Variants in ATP13A5 observed in about 807,000 individuals in gnomAD.
The protein encoded by ATP13A5 is ATPase 13A5.
Under a neutral mutation model 150.2 loss-of-function variants are expected in ATP13A5, and 149 were observed. That is an observed-to-expected ratio of 0.99 (90% confidence interval 0.87 to 1.14). The LOEUF (loss-of-function observed/expected upper bound fraction) is 1.14. ATP13A5 is among the 50% of genes most tolerant of loss of function. ATP13A5 has a pLI of 0.00. For synonymous variants in ATP13A5, 497 were observed against 522.2 expected (o/e 0.95, Z 0.66); for missense variants, 1,383 against 1,449.3 (o/e 0.95, Z 0.74).
intron 12 of ATP13A5, among the ~76,000 whole-genome samples, chr3:193,327,902 G>A (rs1719525321): frequency 6.6e-6 from 1 of 152,176 alleles, no homozygotes; most frequent in African/African-American, 2.4e-5. Flanking sequence ...TACCAAGCAT[G>A]GCAGAATACC....
chr3:193,288,177 TTGAAA>T (rs1717795565), intron 26 of ATP13A5, among the ~76,000 whole-genome samples: 1 of 152,166 alleles, frequency 6.6e-6, no homozygotes, highest in Admixed American at 6.6e-5. Context: ...GTAAGCATTG[TTGAAA>T]TGAAAACAAA....
chr3:193,356,266 A>C (rs1440680178), intron 5 of ATP13A5, among the ~76,000 whole-genome samples: 1 of 115,200 alleles, frequency 8.7e-6, no homozygotes, highest in Non-Finnish European at 1.8e-5. Flanking sequence ...TTCACATTTT[A>C]ATAAGTTTGC....
chr3:193,326,415 C>T (rs73888257), intron 13 of ATP13A5, among the ~76,000 whole-genome samples: 16,967 of 152,144 alleles, frequency 0.11, 1,509 homozygotes, highest in African/African-American at 0.25. Flanking sequence ...GCCGCACGTC[C>T]CTCAAAACCT....
rs767914581 is a variant in ATP13A5, at chr3:193,335,119, G to A, written c.944-20C>T. On this transcript the variant is annotated intron_variant, in intron 9 of 29. Transcript: ENST00000342358. ...TTTCTCCTAAAGAGGATTGTATTTT[G>A]TTGAATCTATGTAAGCTCAGGTAGT... 19 of 1,611,824 alleles carry A rather than the reference G, an allele frequency of 1.2e-5. No individual in the cohort carries two copies. Among genetic ancestry groups the A allele is most frequent in the Admixed American group, 1.7e-5 (1 of 59,944 alleles).
intron 25 of ATP13A5, among the ~76,000 whole-genome samples, chr3:193,296,732 T>C (rs896982645): frequency 2.6e-5 from 4 of 152,164 alleles, no homozygotes; most frequent in Admixed American, 2.0e-4. Context: ...AGAATATTAA[T>C]GGTAGTTTAA....
At chr3:193,300,695 T>A (rs1451994337) in intron 24 of ATP13A5, among the ~76,000 whole-genome samples, 1 of 152,182 alleles carries the variant, frequency 6.6e-6, no homozygotes. Flanking sequence ...TAATTTTGAG[T>A]CTTTTTTAGT....
chr3:193,324,218 C>T (rs1040094170), intron 14 of ATP13A5, among the ~76,000 whole-genome samples: 3 of 152,168 alleles, frequency 2.0e-5, no homozygotes, highest in Admixed American at 1.3e-4. Context: ...CGTTTTCATT[C>T]ACACTCAGCT....
Position 193,315,026 on chromosome 3 carries a change from T to C in ATP13A5, c.2104A>G (p.Lys702Glu). The C allele has an allele frequency of 6.2e-7, 1 of 1,613,928 alleles. No individual in the cohort carries two copies. The highest frequency in any genetic ancestry group is 8.5e-7 in the Non-Finnish European group (1 of 1,179,864). Residue 702 changes from lysine (K) to glutamate (E), a missense_variant, in exon 18 of 30, where the codon AAA becomes GAA. Around this residue, in one of 3 missense-constraint regions of ATP13A5, gnomAD observed 568 missense variants for 621.5 expected, o/e 0.91. Coordinates refer to ENST00000342358, the MANE Select transcript of ATP13A5 (RefSeq NM_198505.4). ...IMENRLKKET[K>E]LVLKELSEAR... ...TCACTCAGTTCCTTCAAGACCAGTT[T>C]GGTTTCTTTTTTCAAGCGATTCTCC...
chr3:193,348,033 TA>T (rs2108888332), intron 7 of ATP13A5, among the ~76,000 whole-genome samples: 1 of 152,322 alleles, frequency 6.6e-6, no homozygotes, highest in African/African-American at 2.4e-5. Context: ...ATGTATTTAT[TA>T]GAACCAAATT....
intron 12 of ATP13A5, among the ~76,000 whole-genome samples, chr3:193,329,800 C>G (rs1055063296): frequency 6.6e-6 from 1 of 152,162 alleles, no homozygotes. Flanking sequence ...CCATCCTTGT[C>G]CTTTTTGTCT....
intron 5 of ATP13A5, among the ~76,000 whole-genome samples, chr3:193,354,573 G>A (rs2108893766): frequency 6.6e-6 from 1 of 151,666 alleles, no homozygotes; most frequent in South Asian, 2.1e-4. Context: ...CTTGATGCTA[G>A]AAGTCATATC....
At chr3:193,338,526 G>C (rs1711984566) in intron 9 of ATP13A5, among the ~76,000 whole-genome samples, 1 of 152,118 alleles carries the variant, frequency 6.6e-6, no homozygotes, top group Admixed American at 6.6e-5. Context: ...TTTATATGCT[G>C]GATTACATTT....
intron 20 of ATP13A5, among the ~76,000 whole-genome samples, chr3:193,311,247 T>G (rs1299830308): frequency 2.0e-5 from 3 of 151,964 alleles, no homozygotes; most frequent in Non-Finnish European, 1.5e-5. Flanking sequence ...ACTGCTAGGG[T>G]GACAGAATTT....
chr3:193,362,342 C>T, intron 5 of ATP13A5, 39 bp downstream of exon 5: 1 of 1,544,800 alleles, frequency 6.5e-7, no homozygotes, highest in Non-Finnish European at 8.9e-7. Context: ...TCATTTTCTG[C>T]TGGCAGAGTT....
chr3:193,373,482 C>T (rs1314629009), intron 1 of ATP13A5, among the ~76,000 whole-genome samples: 2 of 151,932 alleles, frequency 1.3e-5, no homozygotes, highest in East Asian at 3.9e-4. Context: ...TCACATATTA[C>T]TTGTTTTCTC....
In ATP13A5 at chr3:193,314,178, G is replaced by C; in HGVS notation, c.2174C>G (p.Thr725Arg). ...AGAATTCTTTGCAACAGTAATGGCC[G>C]TTTGAAGGTTATCACCTAGAAGACA... The part of the protein sequence containing the change: ...TVMITGDNLQ[T>R]AITVAKNSEM... The change falls in exon 19 of 30, where the codon ACG becomes AGG. Residue 725 changes from threonine to arginine, a missense_variant. Thr to Arg is a moderately conservative substitution (Grantham distance 71). Coordinates refer to ENST00000342358, the MANE Select transcript of ATP13A5 (RefSeq NM_198505.4). 1.9e-6 allele frequency: 3 copies of C among 1,613,550 alleles called. No individual in the cohort carries two copies. In the Middle Eastern group the frequency reaches 5.0e-4, roughly 267 times the overall value.
chr3:193,316,212 A>G (rs1719045995), intron 17 of ATP13A5, among the ~76,000 whole-genome samples: 1 of 152,112 alleles, frequency 6.6e-6, no homozygotes, highest in South Asian at 2.1e-4. Context: ...TCATCCAATG[A>G]TGAACATTTA....
chr3:193,308,941 T>C (rs924399059), intron 21 of ATP13A5, among the ~76,000 whole-genome samples: 1 of 152,218 alleles, frequency 6.6e-6, no homozygotes, highest in Non-Finnish European at 1.5e-5. Flanking sequence ...CCTCAGGCAT[T>C]CTGGAAGTTA....
chr3:193,285,045 G>T lies in ATP13A5; in HGVS notation c.3095C>A (p.Ala1032Glu), dbSNP rs765165738. The change falls in exon 27 of 30, where the codon GCA (alanine) becomes GAA (glutamate). Residue 1032 changes from alanine to glutamate, a missense_variant. Ala to Glu is a moderately radical substitution (Grantham distance 107, BLOSUM62 -1). Transcript: ENST00000342358. ...VSLERNWTGN[A>E]TLIPGSILSF... ...TAAAATTGAACCAGGAATCAGAGTT[G>T]CATTTCCAGTCCAGTTTCTTTCCAA... 7.4e-6 allele frequency: 12 copies of T among 1,614,018 alleles called. No individual in the cohort carries two copies. The South Asian group carries it at 1.3e-4, about 18-fold the overall frequency.
Sources: gnomAD v4.1 joint callset for allele counts (sites outside exome capture counted in the v4.1 genomes callset) on GRCh38, gnomAD v4.1.1 for gene constraint, gnomAD v4.1.1 regional missense constraint, MANE v1.5 for transcripts, NCBI Gene and HGNC (gene_info 2026-07-23, HGNC 2026-07-21) for gene names.